OXNAD1: variants seen among roughly 807,000 people sequenced by gnomAD.
The protein encoded by OXNAD1 is oxidoreductase NAD binding domain containing 1.
OXNAD1 carries 34 observed loss-of-function variants against 32.9 expected under a neutral mutation model. The ratio of observed to expected loss-of-function variants is 1.03; its 90% CI spans 0.79 to 1.38. The LOEUF (loss-of-function observed/expected upper bound fraction) is 1.38, where lower values mean the gene tolerates loss of function less well. Ranked by LOEUF, OXNAD1 falls within the 40% of genes most tolerant of loss-of-function variation. The pLI, the probability that OXNAD1 is intolerant of heterozygous loss-of-function variation, is 0.00. For missense variants in OXNAD1, 407 were observed against 379.4 expected, an observed-to-expected ratio of 1.07 and a Z score of -0.60; for synonymous variants, 134 against 135.2, an observed-to-expected ratio of 0.99 and a Z score of 0.06.
intron 6 of OXNAD1, among the ~76,000 whole-genome samples, 154 bp downstream of exon 6, chr3:16,295,151 A>G (rs1559758164): frequency 6.6e-6 from 1 of 152,212 alleles, no homozygotes; most frequent in Non-Finnish European, 1.5e-5. Flanking sequence ...AGAAACTTTG[A>G]TGCATTAAGT....
At chr3:16,341,590 A>G (rs573341949), downstream of OXNAD1, among the ~76,000 whole-genome samples, 286 of 152,324 alleles carry the variant, frequency 1.9e-3, 3 homozygotes, top group African/African-American at 6.2e-3. This position sits in a 1 kb window ranked among gnomAD's most constrained non-coding sequence, Gnocchi z 4.7. Context: ...CAGTTTTGCT[A>G]TGAACCTAAA....
At chr3:16,333,958 G>A (rs1442584861) in intron 9 of OXNAD1, among the ~76,000 whole-genome samples, 1 of 152,198 alleles carries the variant, frequency 6.6e-6, no homozygotes, top group Non-Finnish European at 1.5e-5. Context: ...GAGGTCAGGA[G>A]ATCGAGACCA....
At chr3:16,266,287 C>A (rs1360598281) in intron 1 of OXNAD1, among the ~76,000 whole-genome samples, 1 of 152,146 alleles carries the variant, frequency 6.6e-6, no homozygotes, top group African/African-American at 2.4e-5. Flanking sequence ...ATTTAGTTTA[C>A]ATTTACGTAA....
intron 4 of OXNAD1, among the ~76,000 whole-genome samples, chr3:16,281,864 GA>G (rs1284221921): frequency 7.2e-6 from 1 of 139,626 alleles, no homozygotes; most frequent in African/African-American, 2.6e-5. Flanking sequence ...TATATCGAAA[GA>G]AAAAAATGAA....
chr3:16,302,527 G>A lies in OXNAD1; in HGVS notation c.676-113G>A, dbSNP rs2067258516. 1.3e-5 allele frequency: 9 copies of A among 701,492 alleles called. No individual in the cohort carries two copies. Among genetic ancestry groups the A allele is most frequent in the Admixed American group, 2.4e-5 (1 of 41,568 alleles). The allele number at this position is 701,492 out of a possible 1,614,324, so 43.5% of individuals were successfully genotyped here. A position where few individuals can be genotyped will look rare whatever the true frequency, so the allele number is the denominator to read the frequency against. ...CAAACAATATCTCTCTAAGTAGAGAGCGAGAGCGGCAGACGTGTGCAGAAT... is the reference window on the plus strand; with the variant it reads ...CAAACAATATCTCTCTAAGTAGAGAACGAGAGCGGCAGACGTGTGCAGAAT... On this transcript the variant is annotated intron_variant, in intron 7 of 8. Transcript: ENST00000285083. The surrounding 1 kb of genome is among the most constrained non-coding windows in gnomAD (Gnocchi z 4.2).
In OXNAD1 at chr3:16,286,411, G is replaced by A; in HGVS notation, c.253G>A (p.Val85Ile). Reference protein sequence around the residue: ...SPSVKSLRLLVADQDFSFKAG... With the variant: ...SPSVKSLRLLIADQDFSFKAG... Reference sequence around the variant, plus strand: ...GTCAGTGAAGAGCCTCCGCTTGCTTGTTGCTGATCAAGACTTTTCCTTTAA... The same window carrying A: ...GTCAGTGAAGAGCCTCCGCTTGCTTATTGCTGATCAAGACTTTTCCTTTAA... Residue 85 changes from valine to isoleucine, a missense_variant, in exon 5 of 9, where the codon GTT (valine) becomes ATT (isoleucine). Coordinates refer to ENST00000285083, the MANE Select transcript of OXNAD1 (RefSeq NM_138381.5). 3 of 1,613,950 alleles carry A rather than the reference G, an allele frequency of 1.9e-6. No homozygotes were observed. Among genetic ancestry groups the A allele is most frequent in the Non-Finnish European group, 2.5e-6 (3 of 1,179,858 alleles).
rs751738131 is a variant in OXNAD1 at position 16,301,679 on chromosome 3, C to A, written c.486C>A (p.Asp162Glu). The A allele has an allele frequency of 1.9e-6, 3 of 1,613,880 alleles. No individual in the cohort carries two copies. The highest frequency in any genetic ancestry group is 2.5e-6 in the Non-Finnish European group (3 of 1,179,934). The change falls in exon 7 of 9, where the codon GAC (aspartate) becomes GAA (glutamate). Residue 162 changes from aspartate to glutamate, a missense_variant. By Grantham distance (45) the Asp-to-Glu change is conservative. Transcript: ENST00000285083. This position sits in a 1 kb window ranked among gnomAD's most constrained non-coding sequence, Gnocchi z 4.1. ...GAGTGGGTGGAGAGTTCTTCTTTGA[C>A]CCTCAGCCTGCGGATGCCTCTAGAA... The part of the protein sequence containing the change: ...AVRVGGEFFF[D>E]PQPADASRNL...
At chr3:16,300,975 C>G (rs572692433) in intron 6 of OXNAD1, among the ~76,000 whole-genome samples, 33 of 152,162 alleles carry the variant, frequency 2.2e-4, no homozygotes, top group Non-Finnish European at 3.5e-4. Context: ...GATGGTATTA[C>G]GGGCATAAGT....
intron 4 of OXNAD1, among the ~76,000 whole-genome samples, chr3:16,273,644 C>G (rs895152969): frequency 6.6e-5 from 10 of 152,250 alleles, no homozygotes; most frequent in African/African-American, 2.4e-4. Context: ...TCTCTTTGGC[C>G]TCCCAAAGTG....
At chr3:16,269,598 T>C (rs2064787227) in intron 2 of OXNAD1, among the ~76,000 whole-genome samples, 1 of 152,246 alleles carries the variant, frequency 6.6e-6, no homozygotes, top group Non-Finnish European at 1.5e-5. Flanking sequence ...TCTGTCTTCA[T>C]CTATTGGAAT....
chr3:16,266,947 ACT>A (rs2064562957), intron 1 of OXNAD1, among the ~76,000 whole-genome samples: 1 of 152,102 alleles, frequency 6.6e-6, no homozygotes, highest in Non-Finnish European at 1.5e-5. Flanking sequence ...CCGGTCAAAT[ACT>A]CTGTGTATAC....
chr3:16,303,722 C>G lies in OXNAD1; in HGVS notation c.*160C>G. 2 of 733,778 alleles carry G rather than the reference C, an allele frequency of 2.7e-6. No homozygotes were observed. The highest frequency in any genetic ancestry group is 3.6e-5 in the African/African-American group (2 of 55,694). The allele number at this position is 733,778 out of a possible 1,614,324, so 45.5% of individuals were successfully genotyped here. On this transcript the variant is annotated 3_prime_UTR_variant, in exon 9 of 9. Coordinates refer to ENST00000285083, the MANE Select transcript of OXNAD1 (RefSeq NM_138381.5). This position sits in a 1 kb window ranked among gnomAD's most constrained non-coding sequence, Gnocchi z 4.8. ...TGGATAATAAAAGCCAGCTGGCAGA[C>G]TTAAATGATAAACTTTTTGCAAAGA...
At chr3:16,307,342 G>A (rs1242340599), downstream of OXNAD1, among the ~76,000 whole-genome samples, 8 of 152,144 alleles carry the variant, frequency 5.3e-5, no homozygotes, top group Middle Eastern at 3.2e-3. Context: ...GGCTCTTAAC[G>A]TGCAAAAAGT....
chr3:16,314,835 T>C lies in OXNAD1; in HGVS notation c.*30+11243T>C, dbSNP rs543233392. The C allele has an allele frequency of 6.6e-6, 1 of 152,388 alleles. No individual in the cohort carries two copies. The highest frequency in any genetic ancestry group is 2.1e-4 in the South Asian group (1 of 4,830). 9.4% of individuals were successfully genotyped at this position (152,388 alleles called of 1,614,324 possible). A position where few individuals can be genotyped will look rare whatever the true frequency, so the allele number is the denominator to read the frequency against. On this transcript the variant is annotated intron_variant, in intron 9 of 9. Coordinates refer to the OXNAD1 transcript ENST00000435829. The surrounding 1 kb of genome is among the most constrained non-coding windows in gnomAD (Gnocchi z 4.4). ...CTTTTCAAAGTTGAGTGTGGTGTTT[T>C]TGTCCTGGCCTGTTGCTGACTAGCA... is the stretch of plus-strand genomic sequence containing the variant.
Position 16,301,709 on chromosome 3 carries a change from C to G in OXNAD1, c.516C>G (p.Leu172=). 6.2e-7 allele frequency: 1 copy of G among 1,614,002 alleles called. No individual in the cohort carries two copies. Among genetic ancestry groups the G allele is most frequent in the Admixed American group, 1.7e-5 (1 of 60,006 alleles). The change falls in exon 7 of 9, where the codon CTC becomes CTG. Residue 172 remains leucine, a synonymous_variant. Transcript: ENST00000285083. This position sits in a 1 kb window ranked among gnomAD's most constrained non-coding sequence, Gnocchi z 4.1. ...AGCCTGCGGATGCCTCTAGAAACCT[C>G]GTGTTGATTGCAGGAGGAGTCGGAA... is the stretch of plus-strand genomic sequence containing the variant. ...DPQPADASRN[L]VLIAGGVGIN...
intron 1 of OXNAD1, among the ~76,000 whole-genome samples, chr3:16,268,367 T>C (rs2064700387): frequency 7.9e-6 from 1 of 127,382 alleles, no homozygotes; most frequent in East Asian, 2.6e-4. Flanking sequence ...TTCGCTCTTG[T>C]TGCCCAGGCT....
chr3:16,301,697 C>T lies in OXNAD1; in HGVS notation c.504C>T (p.Ala168=), dbSNP rs1559768016. 6.2e-7 allele frequency: 1 copy of T among 1,613,976 alleles called. No individual in the cohort carries two copies. The highest frequency in any genetic ancestry group is 2.2e-5 in the East Asian group (1 of 44,836). The change falls in exon 7 of 9, where the codon GCC becomes GCT. Residue 168 remains alanine (A), a synonymous_variant. Coordinates refer to ENST00000285083, the MANE Select transcript of OXNAD1 (RefSeq NM_138381.5). The surrounding 1 kb of genome is among the most constrained non-coding windows in gnomAD (Gnocchi z 4.1). The part of the protein sequence containing the change: ...EFFFDPQPAD[A]SRNLVLIAGG... ...TCTTTGACCCTCAGCCTGCGGATGCCTCTAGAAACCTCGTGTTGATTGCAG... is the reference window on the plus strand; with the variant it reads ...TCTTTGACCCTCAGCCTGCGGATGCTTCTAGAAACCTCGTGTTGATTGCAG...
intron 1 of OXNAD1, among the ~76,000 whole-genome samples, chr3:16,268,275 T>A (rs2064678373): frequency 6.6e-6 from 1 of 150,938 alleles, no homozygotes; most frequent in East Asian, 1.9e-4. Flanking sequence ...TCATGGTTAC[T>A]TTCACAAAAT....
intron 4 of OXNAD1, chr3:16,276,437 G>A (rs1015404564): frequency 2.5e-5 from 5 of 200,444 alleles, no homozygotes; most frequent in Admixed American, 1.2e-4. Context: ...CAAATCCCCC[G>A]TCTGATGTCA....
Sources: gnomAD v4.1 joint callset for allele counts (sites outside exome capture counted in the v4.1 genomes callset) on GRCh38, gnomAD v4.1.1 for gene constraint, Gnocchi (gnomAD v3.1) non-coding constraint, MANE v1.5 for transcripts, NCBI Gene and HGNC (gene_info 2026-07-23, HGNC 2026-07-21) for gene names.